The following KLHL18 variants were observed in gnomAD, a reference collection of about 807,000 sequenced individuals.
KLHL18 encodes the protein kelch-like protein 18.
In KLHL18, 38 loss-of-function variants were observed where a neutral mutation model predicts 58.5. The observed-to-expected ratio is 0.65, with a 90% CI of 0.50 to 0.85. The LOEUF (loss-of-function observed/expected upper bound fraction) is 0.85. Ranked by LOEUF, KLHL18 falls within the 40% of genes least tolerant of loss-of-function variation. KLHL18 has a pLI of 0.00. For synonymous variants in KLHL18, 303 were observed against 301.9 expected (o/e 1.00, Z -0.04); for missense variants, 624 against 778.4 (o/e 0.80, Z 2.36).
intron 1 of KLHL18, among the ~76,000 whole-genome samples, chr3:47,303,644 A>G (rs1050644003): frequency 1.3e-5 from 2 of 152,232 alleles, no homozygotes; most frequent in Non-Finnish European, 2.9e-5. Context: ...GCTGGCTTCA[A>G]ACTGCAGGGC....
At position 47,343,699 on chromosome 3, in the gene KLHL18, G is replaced by A. The variant is rs781161332; in HGVS notation, c.1483G>A (p.Glu495Lys). 7 of 1,614,036 alleles carry A rather than the reference G, an allele frequency of 4.3e-6. No individual in the cohort carries two copies. The highest frequency in any genetic ancestry group is 2.5e-6 in the Non-Finnish European group (3 of 1,180,050). ...YDGSGFLSIA[E>K]MYSSVADQWC... ...TGGCTCTGGCTTCCTCAGCATTGCC[G>A]AGATGTACAGCTCTGTGGCAGACCA... The change falls in exon 10 of 10, where the codon GAG (glutamate) becomes AAG (lysine). Residue 495 changes from glutamate to lysine, a missense_variant. Coordinates refer to ENST00000232766, the MANE Select transcript of KLHL18 (RefSeq NM_025010.5).
At chr3:47,303,127 G>A (rs1200039010) in intron 1 of KLHL18, among the ~76,000 whole-genome samples, 2 of 152,208 alleles carry the variant, frequency 1.3e-5, no homozygotes, top group African/African-American at 2.4e-5. Flanking sequence ...CAGCTGAACA[G>A]CTTTCTCCAG....
At chr3:47,301,807 T>G (rs1039234942) in intron 1 of KLHL18, among the ~76,000 whole-genome samples, 3 of 152,314 alleles carry the variant, frequency 2.0e-5, no homozygotes, top group Admixed American at 2.0e-4. Context: ...TTCTTCTTCT[T>G]CTTTTTGAGA....
intron 1 of KLHL18, among the ~76,000 whole-genome samples, chr3:47,317,039 A>T (rs987122489): frequency 6.6e-6 from 1 of 152,156 alleles, no homozygotes; most frequent in African/African-American, 2.4e-5. Context: ...CTAAATTATT[A>T]TCTAAGCTTG....
In KLHL18 at chr3:47,333,211, T is replaced by C; in HGVS notation, c.655T>C (p.Tyr219His). 1.9e-6 allele frequency: 3 copies of C among 1,614,162 alleles called. No homozygotes were observed. The highest frequency in any genetic ancestry group is 2.5e-6 in the Non-Finnish European group (3 of 1,180,018). ...VRYDREQRGP[Y>H]LPELLSNIRL... ...ATACGACCGGGAGCAGAGGGGTCCCTACCTGCCTGAGCTGCTGTCCAATAT... is the reference window on the plus strand; with the variant it reads ...ATACGACCGGGAGCAGAGGGGTCCCCACCTGCCTGAGCTGCTGTCCAATAT... The change falls in exon 5 of 10, where the codon TAC (tyrosine) becomes CAC (histidine). Residue 219 changes from tyrosine (Y) to histidine (H), a missense_variant. Tyr to His is a moderately conservative substitution (Grantham distance 83). Transcript: ENST00000232766.
rs1296893653 is a variant in KLHL18 at position 47,293,901 on chromosome 3, GT to G, written c.129+10808del. ...TTGTCTTTGGCTCATCCTCTCTTAT[GT>G]GTATTTTGTGACACTTATTACAATA... On this transcript the variant is annotated intron_variant, in intron 1 of 9. Coordinates refer to ENST00000232766, the MANE Select transcript of KLHL18 (RefSeq NM_025010.5). Among the ~76,000 whole-genome samples the G allele has an allele frequency of 3.3e-5, 5 of 152,226 alleles. No homozygotes were observed. In the South Asian group the frequency reaches 1.0e-3, roughly 32 times the overall value.
chr3:47,285,074 A>G (rs1702646194), intron 1 of KLHL18, among the ~76,000 whole-genome samples: 1 of 152,084 alleles, frequency 6.6e-6, no homozygotes, highest in Admixed American at 6.5e-5. Flanking sequence ...CAGCCTCCCA[A>G]AGTGCTGGGA....
chr3:47,287,020 A>C lies in KLHL18; in HGVS notation c.129+3926A>C, dbSNP rs1702689529. ...GATTTCGGCCCTTCTTCTTGCTCACAACTTCAGAGGAAACTGGTACCTCCA... is the reference window on the plus strand; with the variant it reads ...GATTTCGGCCCTTCTTCTTGCTCACCACTTCAGAGGAAACTGGTACCTCCA... On this transcript the variant is annotated intron_variant, in intron 1 of 9. Coordinates refer to ENST00000232766, the MANE Select transcript of KLHL18 (RefSeq NM_025010.5). Among the ~76,000 whole-genome samples, 3 of 152,122 alleles carry C rather than the reference A, an allele frequency of 2.0e-5. No individual in the cohort carries two copies. The South Asian group carries it at 6.2e-4, about 32-fold the overall frequency.
intron 1 of KLHL18, among the ~76,000 whole-genome samples, chr3:47,284,340 T>TC (rs1553628129): frequency 4.1e-5 from 6 of 146,838 alleles, no homozygotes; most frequent in Admixed American, 2.7e-4. Context: ...CTTTTTTCTT[T>TC]TTTTTTTTTT....
intron 7 of KLHL18, among the ~76,000 whole-genome samples, 182 bp from the exon 8 acceptor site, chr3:47,340,390 G>A (rs1021963706): frequency 6.6e-6 from 1 of 152,132 alleles, no homozygotes; most frequent in Non-Finnish European, 1.5e-5. Flanking sequence ...CGGTAGAAGG[G>A]TGGGGCACAA....
At chr3:47,311,838 T>TA (rs538664044) in intron 1 of KLHL18, among the ~76,000 whole-genome samples, 26 of 152,304 alleles carry the variant, frequency 1.7e-4, no homozygotes, top group Admixed American at 5.2e-4. Context: ...TGACAGGTGT[T>TA]AAAGTTTCAG....
intron 1 of KLHL18, among the ~76,000 whole-genome samples, chr3:47,317,533 A>C (rs1244911315): frequency 1.3e-5 from 2 of 152,210 alleles, no homozygotes; most frequent in African/African-American, 4.8e-5. Flanking sequence ...GTTCCAGTAG[A>C]TAATGTCTCA....
chr3:47,332,791 G>A (rs898637744), intron 4 of KLHL18, among the ~76,000 whole-genome samples: 2 of 151,686 alleles, frequency 1.3e-5, no homozygotes, highest in African/African-American at 4.9e-5. Context: ...AGATGAGGGG[G>A]GACAGTGTAA....
chr3:47,333,994 T>A (rs960785404), intron 5 of KLHL18, among the ~76,000 whole-genome samples: 2 of 152,206 alleles, frequency 1.3e-5, no homozygotes, highest in Admixed American at 1.3e-4. Flanking sequence ...GATAAAAACT[T>A]TACACACATT....
In KLHL18 at chr3:47,346,171, T is replaced by C. The variant is rs1256644555; in HGVS notation, c.*2230T>C. 6.6e-6 allele frequency: 1 copy of C among 152,664 alleles called. No individual in the cohort carries two copies. Among genetic ancestry groups the C allele is most frequent in the African/African-American group, 2.4e-5 (1 of 41,464 alleles). The allele number at this position is 152,664 out of a possible 1,614,324, so 9.5% of individuals were successfully genotyped here. ...TGGGCTACTGAGTGGGTCCTTAGGA[T>C]ACTGGCCCAGATTTTGCCACTGGGT... On this transcript the variant is annotated 3_prime_UTR_variant, in exon 10 of 10. Coordinates refer to ENST00000232766, the MANE Select transcript of KLHL18 (RefSeq NM_025010.5).
At chr3:47,330,636 A>G (rs1401586277) in intron 4 of KLHL18, among the ~76,000 whole-genome samples, 1 of 152,006 alleles carries the variant, frequency 6.6e-6, no homozygotes, top group Non-Finnish European at 1.5e-5. Flanking sequence ...GATTTTTGTC[A>G]ACCTACTCAC....
intron 1 of KLHL18, among the ~76,000 whole-genome samples, chr3:47,295,948 A>G (rs974563741): frequency 6.6e-6 from 1 of 152,126 alleles, no homozygotes; most frequent in African/African-American, 2.4e-5. Flanking sequence ...GGTTGTGTGA[A>G]GTCCCATCTC....
At chr3:47,306,412 G>A (rs1703149702) in intron 1 of KLHL18, among the ~76,000 whole-genome samples, 1 of 151,980 alleles carries the variant, frequency 6.6e-6, no homozygotes, top group African/African-American at 2.4e-5. Context: ...TTTTTGACAT[G>A]GTCAGATTCC....
At chr3:47,300,389 GTATA>G (rs549557669) in intron 1 of KLHL18, among the ~76,000 whole-genome samples, 3 of 55,114 alleles carry the variant, frequency 5.4e-5, no homozygotes, top group East Asian at 4.8e-4. Flanking sequence ...ATATATATGT[GTATA>G]TGTGTGTGTG....
Sources: gnomAD v4.1 joint callset for allele counts (sites outside exome capture counted in the v4.1 genomes callset) on GRCh38, gnomAD v4.1.1 for gene constraint, MANE v1.5 for transcripts, NCBI Gene and HGNC (gene_info 2026-07-23, HGNC 2026-07-21) for gene names.